The following LANCL2 variants were observed in gnomAD, a reference collection of about 807,000 sequenced individuals.
The protein encoded by LANCL2 is LanC like glutathione S-transferase 2.
LANCL2 carries 33 observed loss-of-function variants against 56.9 expected under a neutral mutation model. The ratio of observed to expected loss-of-function variants is 0.58; its 90% confidence interval spans 0.44 to 0.78. The LOEUF (loss-of-function observed/expected upper bound fraction) is 0.78. Among genes scored for constraint, LANCL2 ranks in the 30% least tolerant of loss-of-function variants. The pLI is 0.00. For missense variants in LANCL2, 562 were observed against 580.2 expected (o/e 0.97, Z 0.32); for synonymous variants, 233 against 228.2 (o/e 1.02, Z -0.19).
At chr7:55,382,660 G>A (rs1790082509) in intron 1 of LANCL2, among the ~76,000 whole-genome samples, 1 of 152,144 alleles carries the variant, frequency 6.6e-6, no homozygotes, top group Admixed American at 6.5e-5. Context: ...TTCTGTTCCT[G>A]GGTGGGATCA....
At chr7:55,403,481 C>G (rs963858924) in intron 5 of LANCL2, among the ~76,000 whole-genome samples, 10 of 124,268 alleles carry the variant, frequency 8.0e-5, no homozygotes, top group Admixed American at 2.4e-4. Flanking sequence ...AGAGGAGGAG[C>G]CTTTCCAATT....
At chr7:55,386,845 T>C (rs1309147995) in intron 1 of LANCL2, among the ~76,000 whole-genome samples, 3 of 152,224 alleles carry the variant, frequency 2.0e-5, no homozygotes, top group Middle Eastern at 3.4e-3. Context: ...CTGTTTTGGA[T>C]TGTGGAATGT....
At chr7:55,404,810 C>T (rs751123242) in intron 5 of LANCL2, among the ~76,000 whole-genome samples, 4 of 152,052 alleles carry the variant, frequency 2.6e-5, no homozygotes, top group Non-Finnish European at 2.9e-5. Context: ...GATGGAGTTT[C>T]GCCATGTTGG....
intron 7 of LANCL2, among the ~76,000 whole-genome samples, chr7:55,425,682 C>T (rs1027008707): frequency 2.6e-5 from 4 of 152,152 alleles, no homozygotes; most frequent in African/African-American, 9.7e-5. Flanking sequence ...TGAGAATTAC[C>T]ACCTGTGCCA....
rs536755718 is a variant in LANCL2 at position 55,383,832 on chromosome 7, G to GTC, written c.205-7953_205-7952dup. 3.1e-3 allele frequency among the ~76,000 whole-genome samples: 434 copies of GTC among 138,382 alleles called. 5 individuals are homozygous for GTC. The highest frequency in any genetic ancestry group is 9.1e-3 in the South Asian group (38 of 4,198). The allele number at this position is 138,382 out of a possible 152,430, so 90.8% of individuals were successfully genotyped here. On this transcript the variant is annotated intron_variant, in intron 1 of 8. Coordinates refer to ENST00000254770, the MANE Select transcript of LANCL2 (RefSeq NM_018697.4). ...ATACTGGGCAAGAGAGTGAGACTTC[G>GTC]TCTCTCTCTATATATATATGTGTAA...
intron 1 of LANCL2, among the ~76,000 whole-genome samples, chr7:55,387,865 T>G (rs1406335554): frequency 6.6e-6 from 1 of 152,214 alleles, no homozygotes; most frequent in Non-Finnish European, 1.5e-5. Flanking sequence ...CTGTAAAATT[T>G]CTTATTATAC....
rs3088171 is a variant in LANCL2, at chr7:55,365,417, A to C, written c.-609A>C. On this transcript the variant is annotated 5_prime_UTR_variant, in exon 1 of 9. Transcript: ENST00000254770. ...AGAAGAGATTTTTTTTTTCTTCTTA[A>C]TATCAAACAAAGAACTGCTGCTATT... The C allele has an allele frequency of 0.3, 45,071 of 151,906 alleles. 8,272 individuals carry two copies. Among genetic ancestry groups the C allele is most frequent in the East Asian group, 0.55 (2,826 of 5,148 alleles). 9.4% of individuals were successfully genotyped at this position (151,906 alleles called of 1,614,324 possible).
chr7:55,375,919 G>A (rs1319205078), intron 1 of LANCL2, among the ~76,000 whole-genome samples: 3 of 152,146 alleles, frequency 2.0e-5, no homozygotes, highest in Non-Finnish European at 2.9e-5. Flanking sequence ...TACAGCAGCC[G>A]CAGATCAAGT....
intron 2 of LANCL2, among the ~76,000 whole-genome samples, chr7:55,396,730 T>G (rs1723914): frequency 0.89 from 135,466 of 152,130 alleles, 60,626 homozygotes; most frequent in African/African-American, 0.95. Flanking sequence ...TACTTTACCT[T>G]TTACCATTTG....
At chr7:55,375,129 G>A (rs1198203573) in intron 1 of LANCL2, among the ~76,000 whole-genome samples, 1 of 152,120 alleles carries the variant, frequency 6.6e-6, no homozygotes, top group Non-Finnish European at 1.5e-5. Flanking sequence ...TATTTATTAT[G>A]TGCATGTTGA....
Position 55,432,909 on chromosome 7 carries a change from T to TTGCAGGCAGTCCAGCAGCCCACACC in LANCL2, c.*1599_*1623dup, listed in dbSNP as rs1790746967. On this transcript the variant is annotated 3_prime_UTR_variant, in exon 9 of 9. Transcript: ENST00000254770. Reference sequence around the variant, plus strand: ...GGCCTCCAGGGCCTGTTGATGGGCTTTGCAGGCAGTCCAGCAGCCCACACC... The same window carrying TTGCAGGCAGTCCAGCAGCCCACACC: ...GGCCTCCAGGGCCTGTTGATGGGCTTTGCAGGCAGTCCAGCAGCCCACACCTGCAGGCAGTCCAGCAGCCCACACC... 2 of 152,274 alleles carry TTGCAGGCAGTCCAGCAGCCCACACC rather than the reference T, an allele frequency of 1.3e-5. No homozygotes were observed. Among genetic ancestry groups the TTGCAGGCAGTCCAGCAGCCCACACC allele is most frequent in the Non-Finnish European group, 1.5e-5 (1 of 68,058 alleles). 9.4% of individuals were successfully genotyped at this position (152,274 alleles called of 1,614,324 possible).
chr7:55,366,189 C>T lies in LANCL2; in HGVS notation c.164C>T (p.Thr55Ile), dbSNP rs1451433243. The part of the protein sequence containing the change: ...EETGCVRPPA[T>I]TDEPGLPFHQ... Reference sequence around the variant, plus strand: ...ACAGGCTGTGTTCGTCCCCCGGCGACCACGGATGAGCCCGGCCTCCCTTTT... The same window carrying T: ...ACAGGCTGTGTTCGTCCCCCGGCGATCACGGATGAGCCCGGCCTCCCTTTT... Residue 55 changes from threonine (T) to isoleucine (I), a missense_variant, in exon 1 of 9, where the codon ACC (threonine) becomes ATC (isoleucine). Transcript: ENST00000254770. The T allele has an allele frequency of 6.4e-7, 1 of 1,550,906 alleles. No individual in the cohort carries two copies. The highest frequency in any genetic ancestry group is 8.7e-7 in the Non-Finnish European group (1 of 1,146,224).
In LANCL2 at chr7:55,366,121, G is replaced by A. The variant is rs2128990299; in HGVS notation, c.96G>A (p.Glu32=). 1.9e-6 allele frequency: 3 copies of A among 1,545,262 alleles called. No individual in the cohort carries two copies. The highest frequency in any genetic ancestry group is 1.4e-5 in the African/African-American group (1 of 72,224). Residue 32 remains glutamate (E), a synonymous_variant, in exon 1 of 9, where the codon GAG becomes GAA. Coordinates refer to ENST00000254770, the MANE Select transcript of LANCL2 (RefSeq NM_018697.4). ...RAFVNPFPDY[E]AAAGALLASG... ...TCGTCAACCCCTTCCCGGACTACGAGGCCGCCGCCGGGGCGCTGCTCGCCT... is the reference window on the plus strand; with the variant it reads ...TCGTCAACCCCTTCCCGGACTACGAAGCCGCCGCCGGGGCGCTGCTCGCCT...
chr7:55,411,999 C>A lies in LANCL2; in HGVS notation c.918C>A (p.Tyr306Ter), dbSNP rs1303170958. ...ACAAAAAATTCCGATCTGGGAATTACCCATCATCATTAAGCAATGAAACAG... is the reference window on the plus strand; with the variant it reads ...ACAAAAAATTCCGATCTGGGAATTAACCATCATCATTAAGCAATGAAACAG... ...VRHKKFRSGN[Y>*]PSSLSNETDR... Residue 306 changes from tyrosine (Y) to a stop codon, truncating the protein, a stop_gained, in exon 6 of 9, where the codon TAC (tyrosine) becomes TAA (stop). Coordinates refer to ENST00000254770, the MANE Select transcript of LANCL2 (RefSeq NM_018697.4). LOFTEE classifies it high-confidence loss of function. The A allele has an allele frequency of 1.9e-6, 3 of 1,614,022 alleles. No individual in the cohort carries two copies. The highest frequency in any genetic ancestry group is 2.5e-6 in the Non-Finnish European group (3 of 1,179,982).
intron 6 of LANCL2, among the ~76,000 whole-genome samples, chr7:55,415,621 C>CTTTCTTTTTTTTTTTTTTTTTT (rs149792554): frequency 1.8e-5 from 2 of 111,768 alleles, no homozygotes; most frequent in African/African-American, 6.3e-5. Flanking sequence ...GTTTTTCTTT[C>CTTTCTTTTTTTTTTTTTTTTTT]TTTTTTTTGA....
intron 6 of LANCL2, among the ~76,000 whole-genome samples, chr7:55,421,888 T>A (rs1790612695): frequency 6.6e-6 from 1 of 152,158 alleles, no homozygotes; most frequent in South Asian, 2.1e-4. Flanking sequence ...TTTTGCTTTA[T>A]TTTTAATTTA....
At chr7:55,430,292 C>T (rs1352319321) in intron 8 of LANCL2, among the ~76,000 whole-genome samples, 2 of 152,236 alleles carry the variant, frequency 1.3e-5, no homozygotes, top group African/African-American at 4.8e-5. Flanking sequence ...TACTGTTCAG[C>T]AGTAAGAAGG....
intron 5 of LANCL2, among the ~76,000 whole-genome samples, chr7:55,403,000 G>A (rs1214743405): frequency 1.3e-4 from 20 of 151,582 alleles, no homozygotes; most frequent in African/African-American, 3.6e-4. Flanking sequence ...GACGATGGGC[G>A]GCCAGGCAGA....
At chr7:55,421,603 T>C (rs1373786186) in intron 6 of LANCL2, among the ~76,000 whole-genome samples, 1 of 152,084 alleles carries the variant, frequency 6.6e-6, no homozygotes, top group Non-Finnish European at 1.5e-5. Context: ...TCGGCCTCCC[T>C]AAGTGCTGGG....
Sources: allele counts gnomAD v4.1 joint callset (sites outside exome capture counted in the v4.1 genomes callset), GRCh38; gene constraint gnomAD v4.1.1; transcripts MANE v1.5; gene names NCBI Gene and HGNC (gene_info 2026-07-23, HGNC 2026-07-21).